The following ZC3H12B variants were observed in gnomAD, a reference collection of about 807,000 sequenced individuals.
ZC3H12B encodes zinc finger CCCH-type containing 12B, also known as probable ribonuclease ZC3H12B.
In ZC3H12B, 7 loss-of-function variants were observed where a neutral mutation model predicts 43.9. The observed-to-expected ratio is 0.16, with a 90% confidence interval of 0.09 to 0.30. The LOEUF (loss-of-function observed/expected upper bound fraction) is 0.30. Among genes scored for constraint, ZC3H12B ranks in the 10% least tolerant of loss-of-function variants. The pLI, the probability that ZC3H12B is intolerant of heterozygous loss-of-function variation, is 1.00. For missense variants in ZC3H12B, 475 were observed against 670.2 expected (o/e 0.71, Z 3.22); for synonymous variants, 222 against 241.7 (o/e 0.92, Z 0.76).
the ZC3H12B span, among the ~76,000 whole-genome samples, chrX:65,068,803 G>A: frequency 1.8e-5 from 2 of 111,248 alleles, no homozygotes; most frequent in Non-Finnish European, 3.8e-5. Context: ...CTTGGAGAAT[G>A]TCTTGTATTG....
the ZC3H12B span, among the ~76,000 whole-genome samples, chrX:65,335,104 A>G: frequency 2.7e-5 from 3 of 112,232 alleles, no homozygotes; most frequent in Non-Finnish European, 5.6e-5. Context: ...AATATGAAGT[A>G]ATTTCTGATA....
chrX:65,370,420 A>G (rs2066229376), intron 2 of ZC3H12B, among the ~76,000 whole-genome samples: 1 of 111,840 alleles, frequency 8.9e-6, no homozygotes, highest in Non-Finnish European at 1.9e-5. Context: ...CTTACCTCAT[A>G]TATTTGTTGT....
chrX:65,218,469 G>A, the ZC3H12B span, among the ~76,000 whole-genome samples: 9 of 111,833 alleles, frequency 8.0e-5, no homozygotes, highest in East Asian at 1.7e-3. Flanking sequence ...GGTGCTGTTC[G>A]TGGGGTAGGG....
At chrX:65,185,469 T>C in the ZC3H12B span, 1 of 112,191 alleles carries the variant, frequency 8.9e-6, no homozygotes, top group Non-Finnish European at 1.9e-5. Context: ...TGGTCTGTTC[T>C]AGTGACAGTA....
chrX:65,075,978 G>A, the ZC3H12B span, among the ~76,000 whole-genome samples: 2 of 111,307 alleles, frequency 1.8e-5, no homozygotes, highest in Non-Finnish European at 3.8e-5. Context: ...TGATGCAGGA[G>A]CCTTTTAACT....
chrX:65,192,050 C>T, the ZC3H12B span, among the ~76,000 whole-genome samples: 1 of 110,259 alleles, frequency 9.1e-6, no homozygotes, highest in East Asian at 2.8e-4. Flanking sequence ...GCCTTCATTT[C>T]ATTATGTACC....
the ZC3H12B span, among the ~76,000 whole-genome samples, chrX:65,359,407 CCTT>C: frequency 8.9e-6 from 1 of 111,899 alleles, no homozygotes; most frequent in African/African-American, 3.2e-5. Flanking sequence ...AAATTAAAAA[CCTT>C]CTGGAAGTGA....
At chrX:65,306,793 G>C in the ZC3H12B span, among the ~76,000 whole-genome samples, 3 of 112,395 alleles carry the variant, frequency 2.7e-5, no homozygotes, top group African/African-American at 9.7e-5. Flanking sequence ...ACAGGTGAGT[G>C]AATAAGAAAG....
the ZC3H12B span, among the ~76,000 whole-genome samples, chrX:65,058,044 C>T: frequency 3.6e-5 from 4 of 112,121 alleles, no homozygotes; most frequent in Admixed American, 1.9e-4. Context: ...TCCTTTAGCT[C>T]GGAGAAGTTT....
At chrX:65,477,712 C>A (rs1190508076) in intron 3 of ZC3H12B, among the ~76,000 whole-genome samples, 1 of 109,612 alleles carries the variant, frequency 9.1e-6, no homozygotes, top group African/African-American at 3.3e-5. Flanking sequence ...CAGTGAGCTG[C>A]CAAGATCATG....
chrX:65,121,157 G>T, the ZC3H12B span, among the ~76,000 whole-genome samples: 1 of 111,247 alleles, frequency 9.0e-6, no homozygotes, highest in East Asian at 2.8e-4. Context: ...GGATGATGCT[G>T]GCCTCATAAA....
At chrX:65,168,163 G>T in the ZC3H12B span, among the ~76,000 whole-genome samples, 2 of 111,426 alleles carry the variant, frequency 1.8e-5, no homozygotes, top group African/African-American at 6.5e-5. Flanking sequence ...TATGATATTG[G>T]CTGTGGGTCT....
chrX:65,062,364 A>G, the ZC3H12B span, among the ~76,000 whole-genome samples: 1 of 112,181 alleles, frequency 8.9e-6, no homozygotes, highest in Admixed American at 9.4e-5. Flanking sequence ...TTCCAGTTTC[A>G]GTTTTCTGCA....
At chrX:65,224,304 T>G in the ZC3H12B span, among the ~76,000 whole-genome samples, 1 of 112,633 alleles carries the variant, frequency 8.9e-6, no homozygotes, top group South Asian at 3.6e-4. Flanking sequence ...GGAAAGGGTC[T>G]GAAGATAGGG....
At chrX:65,431,624 G>A (rs1400342343) in intron 3 of ZC3H12B, among the ~76,000 whole-genome samples, 1 of 112,289 alleles carries the variant, frequency 8.9e-6, no homozygotes, top group East Asian at 2.8e-4. Context: ...CCTCTAGTGA[G>A]ATCACACTTT....
the ZC3H12B span, among the ~76,000 whole-genome samples, chrX:65,133,850 G>A: frequency 9.1e-6 from 1 of 110,475 alleles, no homozygotes; most frequent in African/African-American, 3.3e-5. Flanking sequence ...GAGTCACACT[G>A]GGAGTAGAGA....
upstream of ZC3H12B, among the ~76,000 whole-genome samples, chrX:65,363,498 A>G (rs1212615457): frequency 9.0e-6 from 1 of 111,260 alleles, no homozygotes; most frequent in African/African-American, 3.3e-5. Context: ...CATTATATAA[A>G]CTCACAAAAG....
the ZC3H12B span, among the ~76,000 whole-genome samples, chrX:65,093,332 A>C: frequency 8.9e-6 from 1 of 111,931 alleles, no homozygotes; most frequent in African/African-American, 3.2e-5. Flanking sequence ...ACCTATACAG[A>C]GTTCCCACTG....
chrX:65,172,924 A>T, the ZC3H12B span, among the ~76,000 whole-genome samples: 1 of 111,592 alleles, frequency 9.0e-6, no homozygotes, highest in Admixed American at 9.6e-5. Flanking sequence ...TTTTTATTCC[A>T]TTTAAAATTT....
Sources: allele counts gnomAD v4.1 joint callset (sites outside exome capture counted in the v4.1 genomes callset), GRCh38; gene constraint gnomAD v4.1.1; transcripts MANE v1.5; gene names NCBI Gene and HGNC (gene_info 2026-07-23, HGNC 2026-07-21).